The following SLC1A2 variants were observed in gnomAD, a reference collection of about 807,000 sequenced individuals.
SLC1A2 encodes solute carrier family 1 member 2.
SLC1A2 carries 15 observed loss-of-function variants against 48.8 expected under a neutral mutation model. The observed-to-expected ratio is 0.31, with a 90% CI of 0.21 to 0.47. SLC1A2 has a LOEUF of 0.47. Among genes scored for constraint, SLC1A2 ranks in the 20% least tolerant of loss-of-function variants. The pLI, the probability that SLC1A2 is intolerant of heterozygous loss-of-function variation, is 0.99. For synonymous variants in SLC1A2, 279 were observed against 272.6 expected, an observed-to-expected ratio of 1.02 and a Z score of -0.23; for missense variants, 502 against 730.5, an observed-to-expected ratio of 0.69 and a Z score of 3.61.
Position 35,312,963 on chromosome 11 carries a change from C to A in SLC1A2, c.311-515G>T, listed in dbSNP as rs570892299. On this transcript the variant is annotated intron_variant, in intron 3 of 10. Coordinates refer to ENST00000278379, the MANE Select transcript of SLC1A2 (RefSeq NM_004171.4). Reference sequence around the variant, plus strand: ...TTACAGAACTGGGAGAGTTGGAGATCCTCCTGTTTAGAGTTTACAAATGGT... The same window carrying A: ...TTACAGAACTGGGAGAGTTGGAGATACTCCTGTTTAGAGTTTACAAATGGT... Among the ~76,000 whole-genome samples the A allele has an allele frequency of 3.3e-5, 5 of 152,234 alleles. No individual in the cohort carries two copies. The South Asian group carries it at 1.0e-3, about 32-fold the overall frequency.
intron 5 of SLC1A2, 75 bp downstream of exon 5, chr11:35,305,999 G>GT: frequency 7.1e-7 from 1 of 1,410,046 alleles, no homozygotes; most frequent in Non-Finnish European, 9.9e-7. Context: ...TGAGTCATCA[G>GT]TTTTCTGAAA....
At chr11:35,415,599 G>A (rs1855581215) in intron 1 of SLC1A2, among the ~76,000 whole-genome samples, 1 of 152,174 alleles carries the variant, frequency 6.6e-6, no homozygotes, top group African/African-American at 2.4e-5. Context: ...CATTCCCAAG[G>A]GGAGAAGCAA....
chr11:35,292,863 TG>T (rs914839753), intron 6 of SLC1A2, among the ~76,000 whole-genome samples: 9 of 152,194 alleles, frequency 5.9e-5, no homozygotes, highest in African/African-American at 2.2e-4. Flanking sequence ...TTGTTTGATT[TG>T]TGTTCCTCAG....
chr11:35,341,536 C>CA (rs1358567707), intron 1 of SLC1A2, among the ~76,000 whole-genome samples: 1 of 152,028 alleles, frequency 6.6e-6, no homozygotes, highest in Non-Finnish European at 1.5e-5. Flanking sequence ...AAGCAGCATG[C>CA]AAAAAACACT....
At chr11:35,374,382 C>T in intron 1 of SLC1A2, 1 of 706,272 alleles carries the variant, frequency 1.4e-6, no homozygotes, top group Non-Finnish European at 2.4e-6. Context: ...TTACAGAGAC[C>T]TGGCCTCCCT....
At chr11:35,412,073 C>G (rs1012264286) in intron 1 of SLC1A2, among the ~76,000 whole-genome samples, 20 of 146,616 alleles carry the variant, frequency 1.4e-4, no homozygotes, top group African/African-American at 5.0e-4. Context: ...AAATAAAAAG[C>G]AAAGGAAGGA....
rs765043974 is a variant in SLC1A2 at position 35,317,230 on chromosome 11, T to A, written c.157+147A>T. The A allele has an allele frequency of 5.8e-5, 41 of 707,776 alleles. 1 individual carries two copies. Among genetic ancestry groups the A allele is most frequent in the Middle Eastern group, 3.7e-4 (1 of 2,676 alleles). The allele number at this position is 707,776 out of a possible 1,614,324, so 43.8% of individuals were successfully genotyped here. ...AGAGGAGGTAAGGAGGAAAATTATA[T>A]CACTGAAGCCTGGGCAGACAGGGCC... On this transcript the variant is annotated intron_variant, in intron 2 of 10. Transcript: ENST00000278379.
intron 2 of SLC1A2, 164 bp downstream of exon 2, chr11:35,317,213 T>G (rs1591466434): frequency 3.2e-5 from 20 of 628,410 alleles, no homozygotes; most frequent in South Asian, 2.4e-5. Context: ...CTAGAGGAGG[T>G]AAGGAGGAAA....
At chr11:35,292,828 A>G (rs1177682185) in intron 6 of SLC1A2, among the ~76,000 whole-genome samples, 2 of 152,152 alleles carry the variant, frequency 1.3e-5, no homozygotes, top group Non-Finnish European at 2.9e-5. Flanking sequence ...CAAAGTTGAG[A>G]GACCCAGGTG....
chr11:35,411,619 C>T (rs528571436), intron 1 of SLC1A2, among the ~76,000 whole-genome samples: 8 of 152,284 alleles, frequency 5.3e-5, no homozygotes, highest in Admixed American at 2.6e-4. Flanking sequence ...CTATGCCCAG[C>T]CCAACTGTCC....
At chr11:35,349,040 G>C (rs1266844795) in intron 1 of SLC1A2, among the ~76,000 whole-genome samples, 1 of 152,152 alleles carries the variant, frequency 6.6e-6, no homozygotes, top group Non-Finnish European at 1.5e-5. Flanking sequence ...ACATCAGGCA[G>C]AGGAAATACA....
At position 35,251,242 on chromosome 11, in the gene SLC1A2, C is replaced by T. The variant is rs1037337723; in HGVS notation, c.*9652G>A. The T allele has an allele frequency of 6.6e-5, 10 of 152,572 alleles. No homozygotes were observed. The highest frequency in any genetic ancestry group is 1.3e-4 in the Non-Finnish European group (9 of 68,016). The allele number at this position is 152,572 out of a possible 1,614,324, so 9.5% of individuals were successfully genotyped here. On this transcript the variant is annotated 3_prime_UTR_variant, in exon 11 of 11. Transcript: ENST00000278379. ...CACATTTATTGATGAGAGATATATA[C>T]ACAAAAGTTAAAACACTTAGTGAAA...
At chr11:35,324,583 A>C (rs1161016247) in intron 1 of SLC1A2, among the ~76,000 whole-genome samples, 1 of 152,208 alleles carries the variant, frequency 6.6e-6, no homozygotes, top group Non-Finnish European at 1.5e-5. Flanking sequence ...GAGTTTACTC[A>C]CTGTTGAGTT....
chr11:35,404,589 C>T (rs4755406), intron 1 of SLC1A2: 87,767 of 152,040 alleles, frequency 0.58, 25,692 homozygotes, highest in Middle Eastern at 0.69. Flanking sequence ...TGGTGCGGGG[C>T]CTGGGAAAGA....
rs147730227 is a variant in SLC1A2 at position 35,414,155 on chromosome 11, T to A, written c.17+4795A>T. Among the ~76,000 whole-genome samples, 26 of 152,314 alleles carry A rather than the reference T, an allele frequency of 1.7e-4. No homozygotes were observed. The East Asian group carries it at 5.0e-3, about 29-fold the overall frequency. ...CACCAAACAGCAGTTCAGCCAACAG[T>A]GGTCATATCTGTTTATCTAAGTGAG... On this transcript the variant is annotated intron_variant, in intron 1 of 10. Transcript: ENST00000278379.
rs1950373101 is a variant in SLC1A2, at chr11:35,260,268, T to A, written c.*626A>T. On this transcript the variant is annotated 3_prime_UTR_variant, in exon 11 of 11. Coordinates refer to ENST00000278379, the MANE Select transcript of SLC1A2 (RefSeq NM_004171.4). ...TAAGGCAGAGATGTAACAGGTTCTTTAATCAACTGCCTTTAAGAGCATGGC... is the reference window on the plus strand; with the variant it reads ...TAAGGCAGAGATGTAACAGGTTCTTAAATCAACTGCCTTTAAGAGCATGGC... 1.3e-5 allele frequency: 2 copies of A among 152,416 alleles called. No homozygotes were observed. Among genetic ancestry groups the A allele is most frequent in the Non-Finnish European group, 2.9e-5 (2 of 68,178 alleles). The allele number at this position is 152,416 out of a possible 1,614,324, so 9.4% of individuals were successfully genotyped here.
chr11:35,360,346 C>T (rs1853633636), intron 1 of SLC1A2, among the ~76,000 whole-genome samples: 1 of 152,146 alleles, frequency 6.6e-6, no homozygotes, highest in African/African-American at 2.4e-5. Flanking sequence ...TGGCTGTTTC[C>T]CTCCCACGTT....
At chr11:35,374,969 G>C (rs1369007805) in intron 1 of SLC1A2, among the ~76,000 whole-genome samples, 1 of 152,116 alleles carries the variant, frequency 6.6e-6, no homozygotes. Flanking sequence ...GCAACATATT[G>C]CTTAAGAAAA....
At chr11:35,357,860 G>A (rs1254967442) in intron 1 of SLC1A2, among the ~76,000 whole-genome samples, 1 of 152,048 alleles carries the variant, frequency 6.6e-6, no homozygotes, top group Non-Finnish European at 1.5e-5. Context: ...AAAAAAGGGG[G>A]GAAAGGCAGT....
Sources: allele counts gnomAD v4.1 joint callset (sites outside exome capture counted in the v4.1 genomes callset), GRCh38; gene constraint gnomAD v4.1.1; transcripts MANE v1.5; gene names NCBI Gene and HGNC (gene_info 2026-07-23, HGNC 2026-07-21).